HTR7: variants seen among roughly 807,000 people sequenced by gnomAD.
HTR7 encodes 5-HT-7.
In HTR7, 16 loss-of-function variants were observed where a neutral mutation model predicts 34.0. That is an observed-to-expected ratio of 0.47 (90% confidence interval 0.32 to 0.71). The LOEUF is 0.71. Among genes scored for constraint, HTR7 ranks in the 30% least tolerant of loss-of-function variants. The pLI, the probability that HTR7 is intolerant of heterozygous loss-of-function variation, is 0.04. For synonymous variants in HTR7, 265 were observed against 260.2 expected (o/e 1.02, Z -0.18); for missense variants, 504 against 625.5 (o/e 0.81, Z 2.07).
At chr10:90,766,753 T>G (rs557651914) in intron 1 of HTR7, among the ~76,000 whole-genome samples, 2 of 152,248 alleles carry the variant, frequency 1.3e-5, no homozygotes, top group Non-Finnish European at 2.9e-5. Flanking sequence ...CTTATAGTTA[T>G]AGCATCACCC....
chr10:90,851,513 G>A lies in HTR7; in HGVS notation c.539+5620C>T, dbSNP rs572959588. Among the ~76,000 whole-genome samples the A allele has an allele frequency of 6.1e-5, 9 of 147,330 alleles. No homozygotes were observed. In the East Asian group the frequency reaches 1.0e-3, roughly 17 times the overall value. On this transcript the variant is annotated intron_variant, in intron 1 of 3. Coordinates refer to ENST00000336152, the MANE Select transcript of HTR7 (RefSeq NM_019859.4). Reference sequence around the variant, plus strand: ...CCAGCTACTCTGGAGGCTAAGGCAGGAGAATGGTGTGAGTCCAGGAGGCGG... The same window carrying A: ...CCAGCTACTCTGGAGGCTAAGGCAGAAGAATGGTGTGAGTCCAGGAGGCGG...
At chr10:90,806,515 C>T (rs373776295) in intron 1 of HTR7, among the ~76,000 whole-genome samples, 10 of 152,086 alleles carry the variant, frequency 6.6e-5, no homozygotes, top group Admixed American at 5.2e-4. Context: ...AGGAGAATGG[C>T]GTGAACCCGG....
Position 90,840,683 on chromosome 10 carries a change from CTAA to C in HTR7, c.539+16447_539+16449del, listed in dbSNP as rs564871519. 5.2e-4 allele frequency among the ~76,000 whole-genome samples: 79 copies of C among 152,314 alleles called. 1 individual carries two copies. The highest frequency in any genetic ancestry group is 1.9e-3 in the African/African-American group (78 of 41,556). On this transcript the variant is annotated intron_variant, in intron 1 of 3. Coordinates refer to ENST00000336152, the MANE Select transcript of HTR7 (RefSeq NM_019859.4). The stretch of plus-strand genomic sequence containing the variant: ...GCATAATATTAACACAACAACACTA[CTAA>C]TAAGTGTAACAGCTCACATTTATCA...
chr10:90,774,291 C>T (rs890563813), intron 1 of HTR7, among the ~76,000 whole-genome samples: 2 of 152,148 alleles, frequency 1.3e-5, no homozygotes, highest in Non-Finnish European at 2.9e-5. Context: ...ACTTTTTCCA[C>T]TTTTCTGTTA....
intron 1 of HTR7, among the ~76,000 whole-genome samples, chr10:90,822,597 C>T (rs1228853170): frequency 6.6e-6 from 1 of 152,208 alleles, no homozygotes; most frequent in Non-Finnish European, 1.5e-5. Context: ...AGCCCATTTT[C>T]AGGGAAGGAA....
At chr10:90,786,324 G>C (rs1436080993) in intron 1 of HTR7, among the ~76,000 whole-genome samples, 1 of 152,160 alleles carries the variant, frequency 6.6e-6, no homozygotes, top group Non-Finnish European at 1.5e-5. Flanking sequence ...GTTCTCCCCT[G>C]CTGCTAGGTA....
At chr10:90,838,905 G>T (rs1846288084) in intron 1 of HTR7, among the ~76,000 whole-genome samples, 3 of 152,280 alleles carry the variant, frequency 2.0e-5, no homozygotes, top group Non-Finnish European at 4.4e-5. Flanking sequence ...TAATGTGTGT[G>T]TGTGTGTTTT....
intron 1 of HTR7, among the ~76,000 whole-genome samples, chr10:90,835,641 G>C (rs1213786908): frequency 6.6e-6 from 1 of 152,186 alleles, no homozygotes; most frequent in Non-Finnish European, 1.5e-5. Context: ...ACTAATAGGA[G>C]CTGGAAGAAA....
At chr10:90,855,540 CCATT>C (rs1319585534) in intron 1 of HTR7, among the ~76,000 whole-genome samples, 3 of 152,226 alleles carry the variant, frequency 2.0e-5, no homozygotes, top group Non-Finnish European at 2.9e-5. Context: ...TAAAAGGACT[CCATT>C]CATGCAGGAT....
chr10:90,764,053 G>C (rs981815799), intron 1 of HTR7, among the ~76,000 whole-genome samples: 1 of 152,150 alleles, frequency 6.6e-6, no homozygotes, highest in Non-Finnish European at 1.5e-5. Flanking sequence ...CACAATGGTT[G>C]AACTAATTTA....
intron 1 of HTR7, among the ~76,000 whole-genome samples, chr10:90,767,460 G>A (rs1294071352): frequency 6.6e-6 from 1 of 152,090 alleles, no homozygotes; most frequent in Non-Finnish European, 1.5e-5. Context: ...AGTAAATGTT[G>A]GGAGAAAGTT....
intron 1 of HTR7, among the ~76,000 whole-genome samples, chr10:90,853,276 C>CTT (rs1211825774): frequency 3.1e-5 from 4 of 127,688 alleles, no homozygotes; most frequent in African/African-American, 9.5e-5. Flanking sequence ...AATTTGATTT[C>CTT]TTTTTTTTTT....
chr10:90,752,006 A>T (rs910132123), intron 1 of HTR7, among the ~76,000 whole-genome samples: 1 of 152,204 alleles, frequency 6.6e-6, no homozygotes, highest in Non-Finnish European at 1.5e-5. Flanking sequence ...ATTATATTTC[A>T]ATCATGATTA....
chr10:90,789,353 T>C (rs190944449), intron 1 of HTR7, among the ~76,000 whole-genome samples: 7 of 152,272 alleles, frequency 4.6e-5, no homozygotes, highest in East Asian at 3.9e-4. Flanking sequence ...TCAACAATCA[T>C]TGAAGTGTAA....
At chr10:90,850,125 C>A (rs1425104906) in intron 1 of HTR7, among the ~76,000 whole-genome samples, 1 of 152,224 alleles carries the variant, frequency 6.6e-6, no homozygotes, top group African/African-American at 2.4e-5. Flanking sequence ...GGCAAAGATG[C>A]CAGTGAAACC....
rs745951947 is a variant in HTR7, at chr10:90,857,500, G to A, written c.172C>T (p.Pro58Ser). 1.2e-6 allele frequency: 2 copies of A among 1,612,728 alleles called. No individual in the cohort carries two copies. The highest frequency in any genetic ancestry group is 1.1e-5 in the South Asian group (1 of 91,044). The change falls in exon 1 of 4, where the codon CCC (proline) becomes TCC (serine). Residue 58 changes from proline to serine, a missense_variant. Physicochemically the swap from Pro to Ser is moderately conservative, Grantham distance 74. Coordinates refer to ENST00000336152, the MANE Select transcript of HTR7 (RefSeq NM_019859.4). This position sits in a 1 kb window ranked among gnomAD's most constrained non-coding sequence, Gnocchi z 6.5. ...TTGTCCGGGGGCGCGTCCCAGGTGG[G>A]CGCCGGGCTGGCTGTCACCTCGCTC... The part of the protein sequence containing the change: ...LLSEVTASPA[P>S]TWDAPPDNAS...
chr10:90,813,883 T>A (rs1249816682), intron 1 of HTR7, among the ~76,000 whole-genome samples: 1 of 152,144 alleles, frequency 6.6e-6, no homozygotes, highest in Non-Finnish European at 1.5e-5. Context: ...TATGTAAACA[T>A]CGCACCTGGT....
At chr10:90,851,599 C>T (rs1188513451) in intron 1 of HTR7, among the ~76,000 whole-genome samples, 3 of 106,076 alleles carry the variant, frequency 2.8e-5, no homozygotes, top group South Asian at 3.6e-4. Context: ...AGTGAGACTC[C>T]GTCCCAAAAA....
intron 1 of HTR7, among the ~76,000 whole-genome samples, chr10:90,828,854 A>C (rs1422368818): frequency 6.6e-6 from 1 of 152,094 alleles, no homozygotes; most frequent in Non-Finnish European, 1.5e-5. Flanking sequence ...TGATGCCAAC[A>C]CCAGATGAAA....
Sources: gnomAD v4.1 joint callset for allele counts (sites outside exome capture counted in the v4.1 genomes callset) on GRCh38, gnomAD v4.1.1 for gene constraint, Gnocchi (gnomAD v3.1) non-coding constraint, MANE v1.5 for transcripts, NCBI Gene and HGNC (gene_info 2026-07-23, HGNC 2026-07-21) for gene names.